SPTBN1: variants seen among roughly 807,000 people sequenced by gnomAD.
The protein encoded by SPTBN1 is spectrin beta chain, non-erythrocytic 1.
In SPTBN1, 32 loss-of-function variants were observed where a neutral mutation model predicts 266.4. The ratio of observed to expected loss-of-function variants is 0.12; its 90% confidence interval spans 0.09 to 0.16. The LOEUF is 0.16. Ranked by LOEUF, SPTBN1 falls within the 10% of genes least tolerant of loss-of-function variation. The pLI is 1.00. For missense variants in SPTBN1, 2,296 were observed against 3,067.1 expected (o/e 0.75, Z 5.94); for synonymous variants, 1,336 against 1,162.2 (o/e 1.15, Z -3.04).
At chr2:54,598,940 C>G (rs1384578548) in intron 2 of SPTBN1, 152 bp from the exon 3 acceptor site, 16 of 731,934 alleles carry the variant, frequency 2.2e-5, no homozygotes, top group Non-Finnish European at 2.9e-5. Flanking sequence ...TTCTCAAAGA[C>G]ATGACCGCAG....
At chr2:54,641,567 C>T (rs554647899) in intron 18 of SPTBN1, among the ~76,000 whole-genome samples, 1 of 152,280 alleles carries the variant, frequency 6.6e-6, no homozygotes, top group South Asian at 2.1e-4. Flanking sequence ...TCTAATAGAT[C>T]CATGGTCTTT....
At chr2:54,586,807 G>T (rs1208401935) in intron 2 of SPTBN1, among the ~76,000 whole-genome samples, 1 of 152,178 alleles carries the variant, frequency 6.6e-6, no homozygotes, top group African/African-American at 2.4e-5. Context: ...GTCAAGAACG[G>T]CTGGAATTGG....
At chr2:54,460,486 C>T (rs570406862) in intron 1 of SPTBN1, among the ~76,000 whole-genome samples, 42 of 152,072 alleles carry the variant, frequency 2.8e-4, no homozygotes, top group African/African-American at 9.4e-4. Context: ...TCTTTTTCCC[C>T]TCTGGAAGAA....
chr2:54,603,336 T>G (rs1263465920), intron 3 of SPTBN1, among the ~76,000 whole-genome samples: 2 of 152,182 alleles, frequency 1.3e-5, no homozygotes, highest in Admixed American at 6.5e-5. Flanking sequence ...GGGTTTTTTT[T>G]GAAAGGAGTG....
intron 1 of SPTBN1, among the ~76,000 whole-genome samples, chr2:54,510,067 TC>T (rs889716370): frequency 3.3e-5 from 5 of 151,540 alleles, no homozygotes; most frequent in African/African-American, 1.2e-4. Flanking sequence ...CAAGTGATTC[TC>T]CCACCTCAGC....
intron 2 of SPTBN1, among the ~76,000 whole-genome samples, chr2:54,576,617 A>G (rs1448842575): frequency 2.0e-5 from 3 of 152,214 alleles, no homozygotes; most frequent in Admixed American, 6.5e-5. Context: ...GTACCTCTTA[A>G]TTAGCCAAGA....
In SPTBN1 at chr2:54,631,574, G is replaced by A. The variant is rs1390853177; in HGVS notation, c.3527G>A (p.Arg1176Lys). 1.2e-6 allele frequency: 2 copies of A among 1,613,744 alleles called. No homozygotes were observed. Among genetic ancestry groups the A allele is most frequent in the Admixed American group, 1.7e-5 (1 of 60,024 alleles). Residue 1176 changes from arginine (R) to lysine (K), a missense_variant, in exon 16 of 36, where the codon AGA becomes AAA. Transcript: ENST00000356805. ...SQSHAYQQFL[R>K]DTKQAEAFLN... ...TCACATGCCTACCAGCAGTTCCTCA[G>A]AGACACGAAGCAAGCCGAAGCCTTT...
intron 27 of SPTBN1, among the ~76,000 whole-genome samples, chr2:54,654,719 A>G (rs775300705): frequency 2.6e-5 from 4 of 152,196 alleles, no homozygotes; most frequent in African/African-American, 7.2e-5. Flanking sequence ...CTGCTTCTCT[A>G]CTTTCTAGAA....
At chr2:54,654,212 A>G (rs1680498904) in intron 27 of SPTBN1, among the ~76,000 whole-genome samples, 1 of 152,204 alleles carries the variant, frequency 6.6e-6, no homozygotes, top group Admixed American at 6.5e-5. Flanking sequence ...CGTCTTTGCA[A>G]TGAGATGACT....
chr2:54,668,466 C>G lies in SPTBN1; in HGVS notation c.6992C>G (p.Thr2331Ser). 1 of 1,614,244 alleles carries G rather than the reference C, an allele frequency of 6.2e-7. No homozygotes were observed. Among genetic ancestry groups the G allele is most frequent in the Non-Finnish European group, 8.5e-7 (1 of 1,180,048 alleles). The change falls in exon 36 of 36, where the codon ACC (threonine) becomes AGC (serine). Residue 2331 changes from threonine to serine, a missense_variant. Thr to Ser is a moderately conservative substitution (Grantham distance 58, BLOSUM62 1). This residue lies in a region of SPTBN1 where 347 missense variants were observed against 368.5 expected (regional missense o/e 0.94). Coordinates refer to ENST00000356805, the MANE Select transcript of SPTBN1 (RefSeq NM_003128.3). Reference protein sequence around the residue: ...PASSRAQTLPTSVVTITSESS... With the variant: ...PASSRAQTLPSSVVTITSESS... ...TCCAGCCGCGCGCAGACCCTCCCCA[C>G]CAGCGTCGTCACCATCACCAGCGAG...
rs1558485064 is a variant in SPTBN1 at position 54,664,971 on chromosome 2, TCTTTA to T, written c.6659+286_6659+290del. ...TTGCTAGATTGAGACTGAAGAGTCTTCTTTACTTTAAGTGATTGATTTCATTTAGG... is the reference window on the plus strand; with the variant it reads ...TTGCTAGATTGAGACTGAAGAGTCTTCTTTAAGTGATTGATTTCATTTAGG... On this transcript the variant is annotated intron_variant, in intron 33 of 35. Transcript: ENST00000356805. This position sits in a 1 kb window ranked among gnomAD's most constrained non-coding sequence, Gnocchi z 5.6. 3 of 389,338 alleles carry T rather than the reference TCTTTA, an allele frequency of 7.7e-6. No individual in the cohort carries two copies. Among genetic ancestry groups the T allele is most frequent in the African/African-American group, 4.0e-5 (2 of 49,578 alleles). The allele number at this position is 389,338 out of a possible 1,614,324, so 24.1% of individuals were successfully genotyped here.
chr2:54,595,985 T>A (rs1003413036), intron 2 of SPTBN1, among the ~76,000 whole-genome samples: 1 of 143,524 alleles, frequency 7.0e-6, no homozygotes, highest in African/African-American at 2.9e-5. Context: ...GTATGGAGCT[T>A]GTAAGTGCTA....
In SPTBN1 at chr2:54,618,079, C is replaced by A. The variant is rs770292236; in HGVS notation, c.649C>A (p.Pro217Thr). 1 of 1,613,444 alleles carries A rather than the reference C, an allele frequency of 6.2e-7. No homozygotes were observed. The highest frequency in any genetic ancestry group is 1.7e-5 in the Admixed American group (1 of 59,992). Residue 217 changes from proline to threonine, a missense_variant and splice_region_variant, in exon 7 of 36, where the codon CCT becomes ACT. Pro to Thr is a conservative substitution (Grantham distance 38). This residue lies in a region of SPTBN1 where 178 missense variants were observed against 375.7 expected (regional missense o/e 0.47). Coordinates refer to ENST00000356805, the MANE Select transcript of SPTBN1 (RefSeq NM_003128.3). The part of the protein sequence containing the change: ...AFNALIHKHR[P>T]DLIDFDKLKK... ...GTGTCCCACTGTTGTTCTGCACAGG[C>A]CTGACCTGATAGATTTTGACAAACT...
chr2:54,596,047 C>T (rs541428704), intron 2 of SPTBN1, among the ~76,000 whole-genome samples: 14 of 152,112 alleles, frequency 9.2e-5, no homozygotes, highest in Non-Finnish European at 1.9e-4. Context: ...GAAGCAACCA[C>T]GGTTGCTTCA....
At chr2:54,660,795 C>G (rs981045825) in intron 32 of SPTBN1, 4 of 985,278 alleles carry the variant, frequency 4.1e-6, no homozygotes, top group Middle Eastern at 5.2e-4. Flanking sequence ...AGTAAAGTGC[C>G]CGCTGACTGC....
chr2:54,667,666 T>G lies in SPTBN1; in HGVS notation c.6876+20T>G. On this transcript the variant is annotated intron_variant, in intron 35 of 35. Transcript: ENST00000356805. ...GACGATGTAAGTTTCTAAATGTTAT[T>G]TCTCTCCACTACTTAGGAGTTTGCA... The G allele has an allele frequency of 6.2e-7, 1 of 1,610,670 alleles. No homozygotes were observed.
At chr2:54,601,723 C>T (rs1375049259) in intron 3 of SPTBN1, among the ~76,000 whole-genome samples, 1 of 152,140 alleles carries the variant, frequency 6.6e-6, no homozygotes, top group Non-Finnish European at 1.5e-5. Context: ...CAATAGCTAG[C>T]AGATAAATGT....
intron 2 of SPTBN1, among the ~76,000 whole-genome samples, chr2:54,542,063 T>A (rs977127158): frequency 2.0e-5 from 3 of 152,270 alleles, no homozygotes; most frequent in Non-Finnish European, 4.4e-5. Flanking sequence ...TTTATTAGAA[T>A]GAGTGCTTAT....
intron 2 of SPTBN1, among the ~76,000 whole-genome samples, chr2:54,579,443 TCA>T (rs898493148): frequency 2.3e-5 from 3 of 128,392 alleles, no homozygotes; most frequent in African/African-American, 1.2e-4. Flanking sequence ...TCCCCATCTT[TCA>T]CACTCACCCA....
Sources: gnomAD v4.1 joint callset for allele counts (sites outside exome capture counted in the v4.1 genomes callset) on GRCh38, gnomAD v4.1.1 for gene constraint, gnomAD v4.1.1 regional missense constraint, Gnocchi (gnomAD v3.1) non-coding constraint, MANE v1.5 for transcripts, NCBI Gene and HGNC (gene_info 2026-07-23, HGNC 2026-07-21) for gene names.